The following CSMD1 variants were observed in gnomAD, a reference collection of about 807,000 sequenced individuals.
CSMD1 encodes the protein CUB and sushi domain-containing protein 1.
In CSMD1, 213 loss-of-function variants were observed where a neutral mutation model predicts 417.5. The observed-to-expected ratio is 0.51, with a 90% CI of 0.46 to 0.57. The LOEUF is 0.57. Ranked by LOEUF, CSMD1 falls within the 20% of genes least tolerant of loss-of-function variation. CSMD1 has a pLI of 0.00. For missense variants in CSMD1, 6,923 were observed against 4,529.7 expected, an observed-to-expected ratio of 1.53 and a Z score of -15.17; for synonymous variants, 2,862 against 1,736.8, an observed-to-expected ratio of 1.65 and a Z score of -16.11.
chr8:4,176,634 C>T (rs1163377763), intron 3 of CSMD1, among the ~76,000 whole-genome samples: 1 of 151,306 alleles, frequency 6.6e-6, no homozygotes, highest in African/African-American at 2.4e-5. Context: ...CACAGACTGG[C>T]AAATTGGATA....
chr8:4,762,184 G>A (rs925424916), intron 1 of CSMD1, among the ~76,000 whole-genome samples: 2 of 151,994 alleles, frequency 1.3e-5, no homozygotes, highest in Admixed American at 6.6e-5. Flanking sequence ...AAAATATCTC[G>A]TATATTTATA....
At chr8:3,370,545 T>G (rs1809881130) in intron 18 of CSMD1, among the ~76,000 whole-genome samples, 1 of 152,164 alleles carries the variant, frequency 6.6e-6, no homozygotes, top group Admixed American at 6.5e-5. Context: ...CCCAGATAGC[T>G]GGTAAGAGGC....
rs548721068 is a variant in CSMD1 at position 3,033,515 on chromosome 8, C to T, written c.7661-4002G>A. 3.0e-4 allele frequency among the ~76,000 whole-genome samples: 45 copies of T among 152,090 alleles called. 1 individual carries two copies. Among genetic ancestry groups the T allele is most frequent in the Non-Finnish European group, 5.1e-4 (35 of 67,966 alleles). On this transcript the variant is annotated intron_variant, in intron 50 of 69. Coordinates refer to ENST00000635120, the MANE Select transcript of CSMD1 (RefSeq NM_033225.6). ...AACACGGGAACAGAAAACCAAACAC[C>T]GCGTGTTCTCATTTATAAGTGGGAG... is the stretch of plus-strand genomic sequence containing the variant.
chr8:4,480,314 G>A (rs1801029849), intron 2 of CSMD1, among the ~76,000 whole-genome samples: 1 of 152,088 alleles, frequency 6.6e-6, no homozygotes, highest in Admixed American at 6.5e-5. Context: ...CTTAACCTGT[G>A]TGTTTCTGCA....
rs1001251604 is a variant in CSMD1, at chr8:4,994,243, C to T, written c.85+89G>A. ...CCGGGCAGAGGCGGCCACTCCGTACCCTGCGGTCCCCAAAACGCACACTCG... is the reference window on the plus strand; with the variant it reads ...CCGGGCAGAGGCGGCCACTCCGTACTCTGCGGTCCCCAAAACGCACACTCG... On this transcript the variant is annotated intron_variant, in intron 1 of 69. Coordinates refer to ENST00000635120, the MANE Select transcript of CSMD1 (RefSeq NM_033225.6). The T allele has an allele frequency of 5.0e-6, 6 of 1,198,722 alleles. No individual in the cohort carries two copies. In the Admixed American group the frequency reaches 9.6e-5, roughly 19 times the overall value. 74.3% of individuals were successfully genotyped at this position (1,198,722 alleles called of 1,614,324 possible).
intron 40 of CSMD1, among the ~76,000 whole-genome samples, chr8:3,144,079 G>C (rs528892778): frequency 9.4e-4 from 143 of 152,286 alleles, no homozygotes; most frequent in African/African-American, 3.4e-3. Flanking sequence ...GCATCACGTA[G>C]GGCCAACAGT....
chr8:4,224,886 G>T (rs551986415), intron 3 of CSMD1, among the ~76,000 whole-genome samples: 12 of 128,804 alleles, frequency 9.3e-5, no homozygotes, highest in African/African-American at 3.6e-4. Flanking sequence ...AAGGCAGGTG[G>T]ATCATTTGAG....
At chr8:4,150,479 AT>A (rs1406540427) in intron 3 of CSMD1, among the ~76,000 whole-genome samples, 1 of 152,262 alleles carries the variant, frequency 6.6e-6, no homozygotes, top group Non-Finnish European at 1.5e-5. Context: ...AGCTAACAGA[AT>A]TTTTCACAAC....
intron 1 of CSMD1, among the ~76,000 whole-genome samples, chr8:4,663,832 A>C (rs767534505): frequency 3.9e-5 from 6 of 152,188 alleles, no homozygotes; most frequent in Non-Finnish European, 5.9e-5. Context: ...CAAATCCAGG[A>C]TCGTCAGACA....
intron 2 of CSMD1, among the ~76,000 whole-genome samples, chr8:4,605,722 A>T (rs1800832304): frequency 1.3e-5 from 2 of 151,208 alleles, no homozygotes. Context: ...TGGTTGTCTC[A>T]TATCCACGAT....
chr8:3,316,349 G>A (rs190288441), intron 23 of CSMD1, among the ~76,000 whole-genome samples: 1 of 151,908 alleles, frequency 6.6e-6, no homozygotes, highest in Non-Finnish European at 1.5e-5. Context: ...AATCTATCAG[G>A]AACTTTTTTG....
chr8:4,425,438 T>C (rs1323656566), intron 2 of CSMD1, among the ~76,000 whole-genome samples: 1 of 149,720 alleles, frequency 6.7e-6, no homozygotes, highest in Admixed American at 6.7e-5. Context: ...GAAGGATGAG[T>C]GGATCCAATT....
chr8:4,707,758 G>A (rs899925895), intron 1 of CSMD1, among the ~76,000 whole-genome samples: 1 of 151,748 alleles, frequency 6.6e-6, no homozygotes, highest in African/African-American at 2.4e-5. Flanking sequence ...GTCGTGGCAG[G>A]CGCCTGTAAT....
At chr8:3,389,155 G>C (rs1042156323) in intron 17 of CSMD1, among the ~76,000 whole-genome samples, 14 of 152,108 alleles carry the variant, frequency 9.2e-5, no homozygotes, top group African/African-American at 3.4e-4. Context: ...ACATGTGCAG[G>C]TTTGTTACAT....
At chr8:4,102,895 T>C (rs572428838) in intron 3 of CSMD1, among the ~76,000 whole-genome samples, 5 of 152,210 alleles carry the variant, frequency 3.3e-5, no homozygotes, top group Non-Finnish European at 5.9e-5. Flanking sequence ...CTAAAGGTTA[T>C]AGCAAAGTGC....
At chr8:3,849,519 C>CG (rs1203217413) in intron 5 of CSMD1, among the ~76,000 whole-genome samples, 12 of 152,132 alleles carry the variant, frequency 7.9e-5, no homozygotes, top group Admixed American at 3.3e-4. Context: ...AGTAGCTCGA[C>CG]GGTTAGAATG....
chr8:4,449,280 G>C (rs1798991731), intron 2 of CSMD1, among the ~76,000 whole-genome samples: 1 of 152,158 alleles, frequency 6.6e-6, no homozygotes. Flanking sequence ...AGGAAACTCA[G>C]AAATGTTTTA....
chr8:3,680,463 T>C (rs1039152811), intron 7 of CSMD1, among the ~76,000 whole-genome samples: 1 of 152,136 alleles, frequency 6.6e-6, no homozygotes, highest in Non-Finnish European at 1.5e-5. Context: ...CCTTGACACA[T>C]ACACCCTCCC....
intron 40 of CSMD1, among the ~76,000 whole-genome samples, chr8:3,146,495 A>G (rs1445674113): frequency 6.6e-6 from 1 of 152,208 alleles, no homozygotes; most frequent in African/African-American, 2.4e-5. Context: ...CCCTTTAAAA[A>G]TAAGGAAACA....
Sources: allele counts gnomAD v4.1 joint callset (sites outside exome capture counted in the v4.1 genomes callset), GRCh38; gene constraint gnomAD v4.1.1; transcripts MANE v1.5; gene names NCBI Gene and HGNC (gene_info 2026-07-23, HGNC 2026-07-21).